Variants in CASS4 observed in about 807,000 individuals in gnomAD.
CASS4 encodes cas scaffolding protein family member 4.
CASS4 carries 22 observed loss-of-function variants against 54.2 expected under a neutral mutation model. The ratio of observed to expected loss-of-function variants is 0.41; its 90% CI spans 0.29 to 0.58. The LOEUF (loss-of-function observed/expected upper bound fraction) is 0.58. CASS4 is among the 20% of genes least tolerant of loss of function. CASS4 has a pLI of 0.36. For missense variants in CASS4, 854 were observed against 986.7 expected (o/e 0.87, Z 1.80); for synonymous variants, 409 against 391.5 (o/e 1.04, Z -0.53).
chr20:56,412,478 T>G lies in CASS4; in HGVS notation c.20T>G (p.Met7Arg). The change falls in exon 1 of 6, where the codon ATG becomes AGG. Residue 7 changes from methionine to arginine, a missense_variant. Met to Arg is a moderately conservative substitution (Grantham distance 91). Coordinates refer to ENST00000679887, the MANE Select transcript of CASS4 (RefSeq NM_020356.4). The surrounding 1 kb of genome is among the most constrained non-coding windows in gnomAD (Gnocchi z 4.2). ...ACCGACATGAAGGGAACAGGCATCA[T>G]GGACTGTGCGCCCAAGGTGAGTGAT... MKGTGI[M>R]DCAPKALLAR... 1 of 1,612,746 alleles carries G rather than the reference T, an allele frequency of 6.2e-7. No homozygotes were observed. Among genetic ancestry groups the G allele is most frequent in the South Asian group, 1.1e-5 (1 of 90,626 alleles).
In CASS4 at chr20:56,439,962, T is replaced by C. The variant is rs140084676; in HGVS notation, c.459+2376T>C. Among the ~76,000 whole-genome samples, 41 of 152,360 alleles carry C rather than the reference T, an allele frequency of 2.7e-4. No individual in the cohort carries two copies. In the East Asian group the frequency reaches 7.3e-3, roughly 27 times the overall value. ...GAAAGGCCAAGCTCCCTGAGGCATG[T>C]GCTGTGGGGGCCCCAGGAATGTGCT... On this transcript the variant is annotated intron_variant, in intron 2 of 5. Coordinates refer to ENST00000679887, the MANE Select transcript of CASS4 (RefSeq NM_020356.4).
chr20:56,435,628 A>C (rs1980115742), intron 1 of CASS4, among the ~76,000 whole-genome samples: 1 of 152,214 alleles, frequency 6.6e-6, no homozygotes, highest in Non-Finnish European at 1.5e-5. Context: ...TTTTTTTAGA[A>C]CTGTGTGGCT....
chr20:56,451,887 T>G lies in CASS4; in HGVS notation c.711T>G (p.Pro237=). The G allele has an allele frequency of 2.5e-6, 4 of 1,614,138 alleles. No individual in the cohort carries two copies. Among genetic ancestry groups the G allele is most frequent in the Non-Finnish European group, 3.4e-6 (4 of 1,180,034 alleles). Residue 237 remains proline (P), a synonymous_variant, in exon 5 of 6, where the codon CCT becomes CCG. Coordinates refer to ENST00000679887, the MANE Select transcript of CASS4 (RefSeq NM_020356.4). ...RRGGYSTLPN[P]QKSEWIYDTP... Reference sequence around the variant, plus strand: ...GCGGTTACAGCACATTACCAAATCCTCAGAAATCGGAATGGATTTATGACA... The same window carrying G: ...GCGGTTACAGCACATTACCAAATCCGCAGAAATCGGAATGGATTTATGACA...
At position 56,446,268 on chromosome 20, in the gene CASS4, T is replaced by C. The variant is rs145318031; in HGVS notation, c.561+267T>C. On this transcript the variant is annotated intron_variant, in intron 3 of 5. Coordinates refer to ENST00000679887, the MANE Select transcript of CASS4 (RefSeq NM_020356.4). ...TTTATAATAGATTGTTTTTTCTTTTTCTTGTTGAGATGGGGTCTTGCTTTG... is the reference window on the plus strand; with the variant it reads ...TTTATAATAGATTGTTTTTTCTTTTCCTTGTTGAGATGGGGTCTTGCTTTG... Among the ~76,000 whole-genome samples the C allele has an allele frequency of 1.1e-4, 16 of 152,354 alleles. No individual in the cohort carries two copies. In the East Asian group the frequency reaches 3.1e-3, roughly 29 times the overall value.
Position 56,452,607 on chromosome 20 carries a change from T to C in CASS4, c.1431T>C (p.Asp477=). 1.2e-6 allele frequency: 2 copies of C among 1,614,180 alleles called. No homozygotes were observed. Among genetic ancestry groups the C allele is most frequent in the Non-Finnish European group, 1.7e-6 (2 of 1,180,030 alleles). ...GAGACTATCTGGAGGCCAACATTGA[T>C]GCAATCCACAGGTCCACTGATCACA... ...RFRDYLEANI[D]AIHRSTDHIE... The change falls in exon 5 of 6, where the codon GAT becomes GAC. Residue 477 remains aspartate (D), a synonymous_variant. Transcript: ENST00000679887.
chr20:56,451,769 C>G, intron 4 of CASS4, 50 bp from the exon 5 acceptor site: 1 of 1,404,062 alleles, frequency 7.1e-7, no homozygotes, highest in Admixed American at 2.0e-5. Context: ...CGCACTCGCG[C>G]CCTCTTTGGA....
intron 1 of CASS4, among the ~76,000 whole-genome samples, chr20:56,432,896 A>AGG (rs113541737): frequency 0.045 from 6,784 of 151,920 alleles, 264 homozygotes; most frequent in African/African-American, 0.1. Context: ...AAGTGTGGGC[A>AGG]GGGGCGTCAC....
chr20:56,458,853 C>T lies in CASS4; in HGVS notation c.*106C>T. 13 of 1,167,670 alleles carry T rather than the reference C, an allele frequency of 1.1e-5. No homozygotes were observed. In the South Asian group the frequency reaches 2.1e-4, roughly 19 times the overall value. 72.3% of individuals were successfully genotyped at this position (1,167,670 alleles called of 1,614,324 possible). A position where few individuals can be genotyped will look rare whatever the true frequency, so the allele number is the denominator to read the frequency against. ...GCCAGCCGGGGCATACACCAATGAG[C>T]TGAAACAGACCTGGTGCCCAAAGCT... is the stretch of plus-strand genomic sequence containing the variant. On this transcript the variant is annotated 3_prime_UTR_variant, in exon 6 of 6. Coordinates refer to ENST00000679887, the MANE Select transcript of CASS4 (RefSeq NM_020356.4).
chr20:56,434,115 A>G (rs1283800048), intron 1 of CASS4, among the ~76,000 whole-genome samples: 1 of 152,208 alleles, frequency 6.6e-6, no homozygotes, highest in Admixed American at 6.5e-5. Context: ...GGAACTGTGC[A>G]GTCTCATTCA....
chr20:56,438,048 G>A (rs1475378295), intron 2 of CASS4, among the ~76,000 whole-genome samples: 2 of 152,144 alleles, frequency 1.3e-5, no homozygotes, highest in Non-Finnish European at 2.9e-5. Context: ...CCAGTACTCT[G>A]GGGGGACGAG....
At chr20:56,444,971 A>G (rs959565594) in intron 2 of CASS4, among the ~76,000 whole-genome samples, 3 of 152,152 alleles carry the variant, frequency 2.0e-5, no homozygotes, top group Non-Finnish European at 2.9e-5. Context: ...TTAGCCTGGC[A>G]TGGAGGCATG....
At chr20:56,439,012 C>A (rs928054083) in intron 2 of CASS4, among the ~76,000 whole-genome samples, 1 of 152,226 alleles carries the variant, frequency 6.6e-6, no homozygotes, top group African/African-American at 2.4e-5. Flanking sequence ...GAGCAGTAAG[C>A]TGGGGCCTTT....
intron 1 of CASS4, among the ~76,000 whole-genome samples, chr20:56,413,400 C>T (rs1324922355): frequency 4.6e-5 from 7 of 151,792 alleles, no homozygotes; most frequent in African/African-American, 7.3e-5. Flanking sequence ...TGGCTGTCTG[C>T]GGTGGCTCAC....
At chr20:56,420,354 A>G (rs368180345) in intron 1 of CASS4, among the ~76,000 whole-genome samples, 4 of 152,174 alleles carry the variant, frequency 2.6e-5, no homozygotes, top group East Asian at 1.9e-4. Context: ...GGTTAACAGT[A>G]AGTGAAAAGT....
chr20:56,412,265 T>A lies in CASS4; in HGVS notation c.-194T>A, dbSNP rs1383563483. The A allele has an allele frequency of 3.2e-6, 2 of 623,966 alleles. No homozygotes were observed. The highest frequency in any genetic ancestry group is 5.7e-6 in the Non-Finnish European group (2 of 352,548). The allele number at this position is 623,966 out of a possible 1,614,324, so 38.7% of individuals were successfully genotyped here. On this transcript the variant is annotated 5_prime_UTR_variant, in exon 1 of 6. Transcript: ENST00000679887. This position sits in a 1 kb window ranked among gnomAD's most constrained non-coding sequence, Gnocchi z 4.2. Reference sequence around the variant, plus strand: ...CTCCCCTGCTTCACTGCTTTCATTTTACTCTTATCGTGCTTTCCAGAAAGT... The same window carrying A: ...CTCCCCTGCTTCACTGCTTTCATTTAACTCTTATCGTGCTTTCCAGAAAGT...
intron 3 of CASS4, among the ~76,000 whole-genome samples, chr20:56,449,173 G>A (rs1399087215): frequency 4.6e-5 from 7 of 152,090 alleles, no homozygotes; most frequent in South Asian, 2.1e-4. Context: ...TGTTTATTGC[G>A]GCACTATTCA....
intron 1 of CASS4, among the ~76,000 whole-genome samples, chr20:56,432,290 C>A (rs539383966): frequency 6.8e-6 from 1 of 147,812 alleles, no homozygotes; most frequent in African/African-American, 2.5e-5. Context: ...TTTTACTGAA[C>A]GGCAATTATT....
chr20:56,437,705 T>A lies in CASS4; in HGVS notation c.459+119T>A, dbSNP rs1980260016. 1.1e-6 allele frequency: 1 copy of A among 952,028 alleles called. No individual in the cohort carries two copies. The highest frequency in any genetic ancestry group is 3.0e-5 in the Admixed American group (1 of 33,868). The allele number at this position is 952,028 out of a possible 1,614,324, so 59.0% of individuals were successfully genotyped here. A position where few individuals can be genotyped will look rare whatever the true frequency, so the allele number is the denominator to read the frequency against. On this transcript the variant is annotated intron_variant, in intron 2 of 5. Transcript: ENST00000679887. The surrounding 1 kb of genome is among the most constrained non-coding windows in gnomAD (Gnocchi z 4.7). ...AAACACGCAAAACGGGAGCCCAGATTGCTGGCAATCACGCTCGGGGAGCTT... is the reference window on the plus strand; with the variant it reads ...AAACACGCAAAACGGGAGCCCAGATAGCTGGCAATCACGCTCGGGGAGCTT...
At chr20:56,439,115 G>A (rs1383952742) in intron 2 of CASS4, among the ~76,000 whole-genome samples, 1 of 152,158 alleles carries the variant, frequency 6.6e-6, no homozygotes, top group Non-Finnish European at 1.5e-5. Context: ...AAATTAGGAA[G>A]TTGATTTTTA....
Sources: allele counts gnomAD v4.1 joint callset (sites outside exome capture counted in the v4.1 genomes callset), GRCh38; gene constraint gnomAD v4.1.1; non-coding constraint Gnocchi (gnomAD v3.1); transcripts MANE v1.5; gene names NCBI Gene and HGNC (gene_info 2026-07-23, HGNC 2026-07-21).